The following TTC39C variants were observed in gnomAD, a reference collection of about 807,000 sequenced individuals.
TTC39C encodes tetratricopeptide repeat protein 39C.
In TTC39C, 33 loss-of-function variants were observed where a neutral mutation model predicts 76.3. The ratio of observed to expected loss-of-function variants is 0.43; its 90% CI spans 0.33 to 0.58. TTC39C has a LOEUF of 0.58. Among genes scored for constraint, TTC39C ranks in the 20% least tolerant of loss-of-function variants. TTC39C has a pLI of 0.04. For synonymous variants in TTC39C, 254 were observed against 260.6 expected (o/e 0.97, Z 0.24); for missense variants, 595 against 701.4 (o/e 0.85, Z 1.71).
chr18:24,031,040 G>A (rs916627506), intron 1 of TTC39C, among the ~76,000 whole-genome samples: 1 of 151,698 alleles, frequency 6.6e-6, no homozygotes, highest in African/African-American at 2.4e-5. Flanking sequence ...TCCAATTCCT[G>A]CATTTAAGTG....
At chr18:24,063,278 C>T (rs551210319) in intron 1 of TTC39C, among the ~76,000 whole-genome samples, 8 of 152,242 alleles carry the variant, frequency 5.3e-5, no homozygotes, top group Middle Eastern at 3.4e-3. Context: ...GAATGGCTGA[C>T]TCTTAGCGAG....
intron 1 of TTC39C, among the ~76,000 whole-genome samples, chr18:24,062,678 G>A (rs2084114933): frequency 6.6e-6 from 1 of 152,130 alleles, no homozygotes. Context: ...ATTATTAACT[G>A]TAGAATTTAG....
chr18:24,041,381 G>C (rs566443540), intron 1 of TTC39C, among the ~76,000 whole-genome samples: 31 of 152,328 alleles, frequency 2.0e-4, no homozygotes, highest in African/African-American at 7.2e-4. Context: ...CAGCAAGCTT[G>C]TGTCTGATGG....
intron 3 of TTC39C, among the ~76,000 whole-genome samples, chr18:24,067,979 C>T (rs994571339): frequency 2.6e-5 from 4 of 152,278 alleles, no homozygotes; most frequent in African/African-American, 9.6e-5. Context: ...TTGCTTGAGG[C>T]TCCATGCCCT....
At position 24,080,600 on chromosome 18, in the gene TTC39C, G is replaced by A; in HGVS notation, c.476G>A (p.Gly159Glu). ...CTCTTTTTAGCTTATATCAAAGGTG[G>A]GTGGATCCTTAGGAAAGCCTGGAAG... Reference protein sequence around the residue: ...KQELSAYIKGGWILRKAWKIY... With the variant: ...KQELSAYIKGEWILRKAWKIY... The change falls in exon 5 of 14, where the codon GGG (glycine) becomes GAG (glutamate). Residue 159 changes from glycine (G) to glutamate (E), a missense_variant. Gly to Glu is a moderately conservative substitution (Grantham distance 98). Transcript: ENST00000317571. The A allele has an allele frequency of 6.2e-7, 1 of 1,607,196 alleles. No individual in the cohort carries two copies. The highest frequency in any genetic ancestry group is 8.5e-7 in the Non-Finnish European group (1 of 1,176,742).
chr18:24,076,350 T>C (rs1287695539), intron 4 of TTC39C, among the ~76,000 whole-genome samples: 1 of 152,206 alleles, frequency 6.6e-6, no homozygotes, highest in African/African-American at 2.4e-5. Flanking sequence ...GAATGATTCA[T>C]ACTTGACCTT....
intron 1 of TTC39C, among the ~76,000 whole-genome samples, chr18:24,054,347 A>G (rs1389271249): frequency 6.6e-6 from 1 of 152,226 alleles, no homozygotes; most frequent in South Asian, 2.1e-4. Flanking sequence ...AGAAAATTGT[A>G]TCAAAGCCAC....
At chr18:23,999,557 G>A (rs1292679106) in intron 1 of TTC39C, among the ~76,000 whole-genome samples, 2 of 152,238 alleles carry the variant, frequency 1.3e-5, no homozygotes, top group Non-Finnish European at 2.9e-5. Flanking sequence ...TCCCTAGCCA[G>A]GGGGCAAGAA....
intron 6 of TTC39C, among the ~76,000 whole-genome samples, chr18:24,091,348 G>T (rs2084514444): frequency 6.6e-6 from 1 of 152,092 alleles, no homozygotes. Context: ...AGGCTGAGGT[G>T]GTAGGATGGC....
At chr18:24,077,430 AAAAGAACAATTC>A (rs1442133944) in intron 4 of TTC39C, among the ~76,000 whole-genome samples, 4 of 152,210 alleles carry the variant, frequency 2.6e-5, no homozygotes, top group Non-Finnish European at 5.9e-5. Context: ...AAGGAGATAA[AAAAGAACAATTC>A]ACTCATCATC....
At chr18:24,080,996 C>A in intron 5 of TTC39C, 57 bp downstream of exon 5, 1 of 1,457,070 alleles carries the variant, frequency 6.9e-7, no homozygotes, top group Non-Finnish European at 9.2e-7. Context: ...AGTAAGTAAA[C>A]GACAATCAAA....
At chr18:24,109,598 A>G (rs184117326) in intron 6 of TTC39C, among the ~76,000 whole-genome samples, 17 of 152,376 alleles carry the variant, frequency 1.1e-4, no homozygotes, top group Admixed American at 1.1e-3. Context: ...TATATAGTTC[A>G]GAGCACAGGA....
chr18:24,069,342 A>C (rs933253453), intron 4 of TTC39C, 71 bp downstream of exon 4: 1 of 1,295,412 alleles, frequency 7.7e-7, no homozygotes, highest in Non-Finnish European at 1.1e-6. Context: ...CTTTTTTAAG[A>C]ATGCCTTATA....
chr18:24,082,820 G>A (rs1310033892), intron 5 of TTC39C, 93 bp from the exon 6 acceptor site: 10 of 1,289,374 alleles, frequency 7.8e-6, no homozygotes, highest in Non-Finnish European at 9.5e-6. Flanking sequence ...TTTGGATAGA[G>A]TAGTATTGGA....
At chr18:24,015,140 C>T in intron 1 of TTC39C, 102 bp downstream of exon 1, 2 of 1,135,632 alleles carry the variant, frequency 1.8e-6, no homozygotes, top group South Asian at 4.2e-5. Context: ...CCCCTCCTGT[C>T]GGTCACCGAT....
intron 1 of TTC39C, among the ~76,000 whole-genome samples, chr18:24,045,889 G>GAAAAAAA (rs1193600114): frequency 3.5e-5 from 2 of 56,352 alleles, no homozygotes; most frequent in African/African-American, 1.5e-4. Flanking sequence ...TTCCTTCTGT[G>GAAAAAAA]AAAATATATA....
In TTC39C at chr18:24,018,715, G is replaced by A. The variant is rs186671838; in HGVS notation, c.167+3677G>A. Reference sequence around the variant, plus strand: ...GAGGAGTTGGGAGGGGCGGGGCAAGGAGAAAAGGAGAATGTGAGAGGTGGT... The same window carrying A: ...GAGGAGTTGGGAGGGGCGGGGCAAGAAGAAAAGGAGAATGTGAGAGGTGGT... On this transcript the variant is annotated intron_variant, in intron 1 of 13. Transcript: ENST00000317571. Among the ~76,000 whole-genome samples, 1,295 of 152,228 alleles carry A rather than the reference G, an allele frequency of 8.5e-3. 13 individuals carry two copies. The highest frequency in any genetic ancestry group is 0.011 in the Non-Finnish European group (745 of 68,014).
chr18:24,000,442 C>A (rs2083302834), intron 1 of TTC39C: 1 of 152,246 alleles, frequency 6.6e-6, no homozygotes, highest in East Asian at 1.9e-4. Context: ...CTCAGGGAAA[C>A]CCACCCTGCC....
intron 6 of TTC39C, among the ~76,000 whole-genome samples, chr18:24,107,630 G>T (rs972848310): frequency 1.3e-5 from 2 of 152,074 alleles, no homozygotes; most frequent in African/African-American, 4.8e-5. Flanking sequence ...CTCCTCCTTC[G>T]CCTTCTGCCA....
Sources: gnomAD v4.1 joint callset for allele counts (sites outside exome capture counted in the v4.1 genomes callset) on GRCh38, gnomAD v4.1.1 for gene constraint, MANE v1.5 for transcripts, NCBI Gene and HGNC (gene_info 2026-07-23, HGNC 2026-07-21) for gene names.